The following GTPBP3 variants were observed in gnomAD, a reference collection of about 807,000 sequenced individuals.
GTPBP3 encodes GTP binding protein 3, mitochondrial, also known as 5-taurinomethyluridine-[tRNA] synthase subunit GTPB3, mitochondrial.
Under a neutral mutation model 42.0 loss-of-function variants are expected in GTPBP3, and 35 were observed. The observed-to-expected ratio is 0.83, with a 90% confidence interval of 0.64 to 1.10. The LOEUF (loss-of-function observed/expected upper bound fraction) is 1.10, where lower values mean the gene tolerates loss of function less well. Among genes scored for constraint, GTPBP3 ranks in the 50% least tolerant of loss-of-function variants. GTPBP3 has a pLI of 0.00. For missense variants in GTPBP3, 691 were observed against 685.2 expected (o/e 1.01, Z -0.09); for synonymous variants, 332 against 314.9 (o/e 1.05, Z -0.58).
At chr19:17,341,426 C>A in intron 8 of GTPBP3, 52 bp from the exon 9 acceptor site, 1 of 1,572,972 alleles carries the variant, frequency 6.4e-7, no homozygotes, top group South Asian at 1.1e-5. Flanking sequence ...ATTTCCCCTT[C>A]AAGGGATGGT....
At position 17,341,837 on chromosome 19, in the gene GTPBP3, C is replaced by A; in HGVS notation, c.*134C>A. On this transcript the variant is annotated 3_prime_UTR_variant, in exon 9 of 9. Coordinates refer to ENST00000324894, the MANE Select transcript of GTPBP3 (RefSeq NM_032620.4). ...ATTCTCAAATAGTGAAGCAACACAG[C>A]TGAGAGGTAGTGAGATCCCTGCAGG... 1 of 772,612 alleles carries A rather than the reference C, an allele frequency of 1.3e-6. No homozygotes were observed. Among genetic ancestry groups the A allele is most frequent in the Non-Finnish European group, 2.0e-6 (1 of 492,484 alleles). The allele number at this position is 772,612 out of a possible 1,614,324, so 47.9% of individuals were successfully genotyped here.
chr19:17,341,656 G>T lies in GTPBP3; in HGVS notation c.1432G>T (p.Glu478Ter). 1 of 1,606,830 alleles carries T rather than the reference G, an allele frequency of 6.2e-7. No individual in the cohort carries two copies. The highest frequency in any genetic ancestry group is 8.5e-7 in the Non-Finnish European group (1 of 1,174,830). The stretch of plus-strand genomic sequence containing the variant: ...CCGGCTCACAGGTGGAGGGGGTACC[G>T]AGGAGATCCTGGACATCATCTTCCA... The part of the protein sequence containing the change: ...LTRLTGGGGT[E>*]EILDIIFQDF... The change falls in exon 9 of 9, where the codon GAG (glutamate) becomes TAG (stop). Residue 478 changes from glutamate to a stop codon, truncating the protein, a stop_gained. Transcript: ENST00000324894. LOFTEE classifies it high-confidence loss of function.
rs770627342 is a variant in GTPBP3 at position 17,341,625 on chromosome 19, C to A, written c.1401C>A (p.His467Gln). 6 of 1,613,448 alleles carry A rather than the reference C, an allele frequency of 3.7e-6. No individual in the cohort carries two copies. The highest frequency in any genetic ancestry group is 3.4e-6 in the Non-Finnish European group (4 of 1,179,776). Reference protein sequence around the residue: ...AAEALRVARGHLTRLTGGGGT... With the variant: ...AAEALRVARGQLTRLTGGGGT... ...AGGCGCTGCGGGTGGCCCGGGGTCA[C>A]CTGACCCGGCTCACAGGTGGAGGGG... Residue 467 changes from histidine (H) to glutamine (Q), a missense_variant, in exon 9 of 9, where the codon CAC (histidine) becomes CAA (glutamine). Physicochemically the swap from His to Gln is conservative, Grantham distance 24. Coordinates refer to ENST00000324894, the MANE Select transcript of GTPBP3 (RefSeq NM_032620.4).
intron 7 of GTPBP3, 70 bp downstream of exon 7, chr19:17,339,669 T>C: frequency 7.0e-7 from 1 of 1,432,958 alleles, no homozygotes; most frequent in Non-Finnish European, 9.3e-7. Flanking sequence ...CTGTTGCGTT[T>C]ATTTTTCATT....
rs1174425196 is a variant in GTPBP3, at chr19:17,339,366, A to G, written c.809-68A>G. ...TTCAGGTCTAAAGCTCCCTCCAGAC[A>G]TGGGGTAGAACCTGGGGGAGGAGCT... On this transcript the variant is annotated intron_variant, in intron 6 of 8. Transcript: ENST00000324894. 6 of 1,591,214 alleles carry G rather than the reference A, an allele frequency of 3.8e-6. No homozygotes were observed. The African/African-American group carries it at 4.0e-5, about 11-fold the overall frequency.
At position 17,341,940 on chromosome 19, in the gene GTPBP3, T is replaced by G; in HGVS notation, c.*237T>G. ...ACCCTTGATGCTGGGGCATCCGGGT[T>G]GGGATGGAGATAGGAGGATCTCAGT... On this transcript the variant is annotated 3_prime_UTR_variant, in exon 9 of 9. Coordinates refer to ENST00000324894, the MANE Select transcript of GTPBP3 (RefSeq NM_032620.4). 1 of 427,188 alleles carries G rather than the reference T, an allele frequency of 2.3e-6. No homozygotes were observed. Among genetic ancestry groups the G allele is most frequent in the Non-Finnish European group, 4.1e-6 (1 of 243,306 alleles). The allele number at this position is 427,188 out of a possible 1,614,324, so 26.5% of individuals were successfully genotyped here. A position where few individuals can be genotyped will look rare whatever the true frequency, so the allele number is the denominator to read the frequency against.
intron 4 of GTPBP3, 96 bp from the exon 5 acceptor site, chr19:17,338,858 C>T (rs1026264585): frequency 4.5e-5 from 69 of 1,533,810 alleles, no homozygotes; most frequent in Admixed American, 1.4e-4. Context: ...GCCTATGAGC[C>T]GCCATTCTGG....
rs1321321176 is a variant in GTPBP3, at chr19:17,339,498, A to G, written c.873A>G (p.Pro291=). 3 of 1,613,950 alleles carry G rather than the reference A, an allele frequency of 1.9e-6. No homozygotes were observed. The highest frequency in any genetic ancestry group is 2.5e-6 in the Non-Finnish European group (3 of 1,179,968). The change falls in exon 7 of 9, where the codon CCA becomes CCG. Residue 291 remains proline, a synonymous_variant. Coordinates refer to ENST00000324894, the MANE Select transcript of GTPBP3 (RefSeq NM_032620.4). ...CCACCCGTGACGTGCTGGAGACCCC[A>G]GTCGACCTGGCCGGATTTCCTGTGC... ...PGTTRDVLET[P]VDLAGFPVLL...
At chr19:17,338,921 C>T (rs776429455) in intron 4 of GTPBP3, 33 bp from the exon 5 acceptor site, 1 of 1,562,556 alleles carries the variant, frequency 6.4e-7, no homozygotes, top group Non-Finnish European at 8.7e-7. Flanking sequence ...TTTCTGGGTG[C>T]ACACACCACC....
Position 17,339,593 on chromosome 19 carries a change from G to T in GTPBP3, c.968G>T (p.Arg323Leu). 1 of 1,602,754 alleles carries T rather than the reference G, an allele frequency of 6.2e-7. No homozygotes were observed. The highest frequency in any genetic ancestry group is 8.5e-7 in the Non-Finnish European group (1 of 1,177,506). The part of the protein sequence containing the change: ...PVEQEGVRRA[R>L]ERLEQADLIL... ...GAGCAGGAGGGCGTGCGGCGCGCCCGGGAGAGGTGGGCGGACAGGGTGGTG... is the reference window on the plus strand; with the variant it reads ...GAGCAGGAGGGCGTGCGGCGCGCCCTGGAGAGGTGGGCGGACAGGGTGGTG... Residue 323 changes from arginine to leucine, a missense_variant, in exon 7 of 9, where the codon CGG (arginine) becomes CTG (leucine). Coordinates refer to ENST00000324894, the MANE Select transcript of GTPBP3 (RefSeq NM_032620.4).
At chr19:17,337,784 C>G in intron 1 of GTPBP3, 120 bp downstream of exon 1, 1 of 1,300,530 alleles carries the variant, frequency 7.7e-7, no homozygotes, top group African/African-American at 1.5e-5. Context: ...TCTTCCGTGC[C>G]TCAATCGTTC....
In GTPBP3 at chr19:17,342,661, C is replaced by T. The variant is rs1291559526; in HGVS notation, c.*958C>T. 6.6e-6 allele frequency: 1 copy of T among 152,104 alleles called. No individual in the cohort carries two copies. Among genetic ancestry groups the T allele is most frequent in the Non-Finnish European group, 1.5e-5 (1 of 68,044 alleles). The allele number at this position is 152,104 out of a possible 1,614,324, so 9.4% of individuals were successfully genotyped here. ...TTCCAGAACTTTGAATGTTTGCATA[C>T]TTGTGGATGTACCTTTCAAATATGT... is the stretch of plus-strand genomic sequence containing the variant. On this transcript the variant is annotated 3_prime_UTR_variant, in exon 9 of 9. Transcript: ENST00000324894.
rs2074444673 is a variant in GTPBP3 at position 17,342,696 on chromosome 19, G to C, written c.*993G>C. ...TACCTTTCAAATATGTTTGTCTTGT[G>C]TATCATATATAAATGGTATTGTGTT... On this transcript the variant is annotated 3_prime_UTR_variant, in exon 9 of 9. Transcript: ENST00000324894. 6.6e-6 allele frequency: 1 copy of C among 152,052 alleles called. No individual in the cohort carries two copies. Among genetic ancestry groups the C allele is most frequent in the South Asian group, 2.1e-4 (1 of 4,822 alleles). The allele number at this position is 152,052 out of a possible 1,614,324, so 9.4% of individuals were successfully genotyped here.
chr19:17,342,005 A>G lies in GTPBP3; in HGVS notation c.*302A>G. On this transcript the variant is annotated 3_prime_UTR_variant, in exon 9 of 9. Coordinates refer to ENST00000324894, the MANE Select transcript of GTPBP3 (RefSeq NM_032620.4). ...GTTTTTTATTTATTTTGCAAATACC[A>G]AAGGAATGTAAAAAAAACTCAGGTG... The G allele has an allele frequency of 3.4e-6, 1 of 297,280 alleles. No homozygotes were observed. Among genetic ancestry groups the G allele is most frequent in the Non-Finnish European group, 6.1e-6 (1 of 162,664 alleles). 18.4% of individuals were successfully genotyped at this position (297,280 alleles called of 1,614,324 possible).
chr19:17,339,628 G>A, intron 7 of GTPBP3, 29 bp downstream of exon 7: 1 of 1,562,592 alleles, frequency 6.4e-7, no homozygotes, highest in Non-Finnish European at 8.6e-7. Context: ...GATGGGAGGG[G>A]AACGCGGGGC....
chr19:17,338,121 CCGCCAGCGGCCA>C lies in GTPBP3; in HGVS notation c.172_183del (p.Ser58_Ala61del), dbSNP rs777859520. 3 of 1,596,404 alleles carry C rather than the reference CCGCCAGCGGCCA, an allele frequency of 1.9e-6. No individual in the cohort carries two copies. Among genetic ancestry groups the C allele is most frequent in the Non-Finnish European group, 2.5e-6 (3 of 1,178,628 alleles). ...ATCGCAGTGATCCGGACCAGCGGCC[CCGCCAGCGGCCA>C]CGCCCTCCGAATTCTCACAGCACCC... On this transcript the variant is annotated inframe_deletion, in exon 2 of 9. Coordinates refer to ENST00000324894, the MANE Select transcript of GTPBP3 (RefSeq NM_032620.4).
At chr19:17,337,879 C>A (rs1389083941) in intron 1 of GTPBP3, 129 bp from the exon 2 acceptor site, 1 of 1,328,138 alleles carries the variant, frequency 7.5e-7, no homozygotes, top group Non-Finnish European at 1.0e-6. Context: ...TTCAGAACAT[C>A]CAATTTGTGC....
At position 17,341,213 on chromosome 19, in the gene GTPBP3, G is replaced by A. The variant is rs775205156; in HGVS notation, c.1144G>A (p.Glu382Lys). 1.2e-6 allele frequency: 2 copies of A among 1,609,520 alleles called. No individual in the cohort carries two copies. Among genetic ancestry groups the A allele is most frequent in the Non-Finnish European group, 1.7e-6 (2 of 1,179,954 alleles). Residue 382 changes from glutamate to lysine, a missense_variant, in exon 8 of 9, where the codon GAG becomes AAG. Physicochemically the swap from Glu to Lys is moderately conservative, Grantham distance 56 (BLOSUM62 1). Transcript: ENST00000324894. ...GAACAAGTCGGACCTGCTGTCCCCG[G>A]AGGGCCCAGGTCCCGGTCCTGACCT... ...VLNKSDLLSPEGPGPGPDLPP... is the reference protein window; with the variant it reads ...VLNKSDLLSPKGPGPGPDLPP...
In GTPBP3 at chr19:17,341,239, G is replaced by A. The variant is rs775893367; in HGVS notation, c.1170G>A (p.Leu390=). 9.5e-5 allele frequency: 153 copies of A among 1,607,114 alleles called. No homozygotes were observed. The highest frequency in any genetic ancestry group is 1.3e-4 in the Non-Finnish European group (152 of 1,179,952). ...AGGGCCCAGGTCCCGGTCCTGACCT[G>A]CCCCCGCACCTGCTGCTGTCCTGTC... ...SPEGPGPGPD[L]PPHLLLSCLT... Residue 390 remains leucine (L), a synonymous_variant, in exon 8 of 9, where the codon CTG becomes CTA. Transcript: ENST00000324894.
Sources: gnomAD v4.1 joint callset for allele counts on GRCh38, gnomAD v4.1.1 for gene constraint, MANE v1.5 for transcripts, NCBI Gene and HGNC (gene_info 2026-07-23, HGNC 2026-07-21) for gene names.